Variants in GOLGA8A observed in about 807,000 individuals in gnomAD.
The protein encoded by GOLGA8A is golgin A8 family member A.
GOLGA8A carries 3 observed loss-of-function variants against 22.1 expected under a neutral mutation model. The observed-to-expected ratio is 0.14, with a 90% confidence interval of 0.06 to 0.35. The LOEUF is 0.35. GOLGA8A is among the 10% of genes least tolerant of loss of function. The pLI is 1.00. For missense variants in GOLGA8A, 16 were observed against 233.2 expected (o/e 0.07, Z 6.07); for synonymous variants, 7 against 91.7 (o/e 0.08, Z 5.28).
rs1891456706 is a variant in GOLGA8A, at chr15:34,380,951, A to G, written c.*460T>C. 3.1e-6 allele frequency: 1 copy of G among 320,202 alleles called. No individual in the cohort carries two copies. Among genetic ancestry groups the G allele is most frequent in the African/African-American group, 2.2e-5 (1 of 45,690 alleles). The allele number at this position is 320,202 out of a possible 1,614,324, so 19.8% of individuals were successfully genotyped here. ...TTGAGGGCAAACCGCATATTGAGCT[A>G]TAGAAGAGCTCACTGTGATTAAGAT... On this transcript the variant is annotated 3_prime_UTR_variant, in exon 25 of 25. Coordinates refer to ENST00000359187, the MANE Select transcript of GOLGA8A (RefSeq NM_181077.5).
At chr15:34,417,642 A>G (rs1486131308) in intron 2 of GOLGA8A, 3 of 145,800 alleles carry the variant, frequency 2.1e-5, no homozygotes, top group African/African-American at 7.5e-5. Flanking sequence ...TGCATACGGT[A>G]GTGTTTTATT....
Position 34,429,893 on chromosome 15 carries a change from C to T in GOLGA8A, c.-1123+5490G>A, listed in dbSNP as rs1390756147. ...GTTAGTGTCCCGCACCCCTTTGTTT[C>T]CACTATTAGATTAAGCCACCCTATG... On this transcript the variant is annotated intron_variant, in intron 2 of 24. Coordinates refer to ENST00000359187, the MANE Select transcript of GOLGA8A (RefSeq NM_181077.5). Among the ~76,000 whole-genome samples the T allele has an allele frequency of 1.4e-5, 2 of 147,912 alleles. 1 individual carries two copies. The highest frequency in any genetic ancestry group is 5.0e-5 in the African/African-American group (2 of 40,102).
At chr15:34,409,180 G>GT (rs1171105982) in intron 2 of GOLGA8A, among the ~76,000 whole-genome samples, 1 of 132,236 alleles carries the variant, frequency 7.6e-6, no homozygotes. Flanking sequence ...GCTGGGCGGT[G>GT]TGTGTATTCT....
At position 34,437,437 on chromosome 15, in the gene GOLGA8A, TCGCCGCG is replaced by T. The variant is rs1566916845; in HGVS notation, c.-1258_-1252del. On this transcript the variant is annotated 5_prime_UTR_variant, in exon 1 of 25. Transcript: ENST00000359187. ...GGGCTGCCCCGGTCCGCCGCCGTCCTCGCCGCGCCGCCGTCCTCGCCGCGCCGCCGTC... is the reference window on the plus strand; with the variant it reads ...GGGCTGCCCCGGTCCGCCGCCGTCCTCCGCCGTCCTCGCCGCGCCGCCGTC... The T allele has an allele frequency of 7.3e-6, 1 of 137,164 alleles. No homozygotes were observed. The highest frequency in any genetic ancestry group is 1.6e-5 in the Non-Finnish European group (1 of 62,388). 8.5% of individuals were successfully genotyped at this position (137,164 alleles called of 1,614,324 possible).
In GOLGA8A at chr15:34,380,994, C is replaced by A. The variant is rs899824698; in HGVS notation, c.*417G>T. 7 of 342,194 alleles carry A rather than the reference C, an allele frequency of 2.0e-5. No individual in the cohort carries two copies. Among genetic ancestry groups the A allele is most frequent in the Non-Finnish European group, 2.8e-5 (5 of 178,126 alleles). 21.2% of individuals were successfully genotyped at this position (342,194 alleles called of 1,614,324 possible). ...ATTAAGATGAGATCAAACATCATAG[C>A]AGAACATTAGCAAATTTTATCTGAA... On this transcript the variant is annotated 3_prime_UTR_variant, in exon 25 of 25. Coordinates refer to ENST00000359187, the MANE Select transcript of GOLGA8A (RefSeq NM_181077.5).
At chr15:34,404,022 CTCTG>C (rs1182123440) in intron 5 of GOLGA8A, among the ~76,000 whole-genome samples, 3 of 7,662 alleles carry the variant, frequency 3.9e-4, no homozygotes, top group African/African-American at 1.6e-3. Context: ...CGTTTCCCTA[CTCTG>C]TCTGAGCATT....
At chr15:34,436,327 A>G (rs535223891) in intron 1 of GOLGA8A, among the ~76,000 whole-genome samples, 1 of 149,810 alleles carries the variant, frequency 6.7e-6, no homozygotes, top group Admixed American at 6.7e-5. Flanking sequence ...GAGGCACAGA[A>G]GGCTGAAGAC....
At position 34,437,409 on chromosome 15, in the gene GOLGA8A, G is replaced by A. The variant is rs186666492; in HGVS notation, c.-1223C>T. ...GTTCCCCAGCTTACCTGGCCAGGGC[G>A]CGGGGCTGCCCCGGTCCGCCGCCGT... On this transcript the variant is annotated 5_prime_UTR_variant, in exon 1 of 25. Transcript: ENST00000359187. 12,755 of 139,434 alleles carry A rather than the reference G, an allele frequency of 0.091. 1,416 individuals carry two copies. Among genetic ancestry groups the A allele is most frequent in the South Asian group, 0.24 (1,130 of 4,766 alleles). The allele number at this position is 139,434 out of a possible 1,614,324, so 8.6% of individuals were successfully genotyped here.
intron 2 of GOLGA8A, chr15:34,416,270 ATGTTT>A (rs1892571891): frequency 6.6e-6 from 1 of 150,754 alleles, no homozygotes; most frequent in African/African-American, 2.4e-5. Context: ...TTCATATTTT[ATGTTT>A]TGTTTTATAG....
chr15:34,393,092 G>T (rs1363312548), intron 8 of GOLGA8A, among the ~76,000 whole-genome samples: 1 of 148,376 alleles, frequency 6.7e-6, no homozygotes, highest in Non-Finnish European at 1.5e-5. Context: ...AGGCTTGCAA[G>T]GAGATAGAAC....
chr15:34,422,784 C>T (rs1892837452), intron 2 of GOLGA8A, among the ~76,000 whole-genome samples: 1 of 109,510 alleles, frequency 9.1e-6, no homozygotes, highest in African/African-American at 2.7e-5. Context: ...CCTCCCATGT[C>T]CCAGGAGCCA....
intron 5 of GOLGA8A, among the ~76,000 whole-genome samples, 177 bp from the exon 6 acceptor site, chr15:34,400,936 TC>T: frequency 1.1e-5 from 1 of 91,014 alleles, no homozygotes; most frequent in South Asian, 3.9e-4. Context: ...TCTGTTTTTT[TC>T]ATCAAAATAC....
At chr15:34,433,995 A>T (rs1298124338) in intron 2 of GOLGA8A, among the ~76,000 whole-genome samples, 1 of 149,042 alleles carries the variant, frequency 6.7e-6, no homozygotes, top group Non-Finnish European at 1.5e-5. Flanking sequence ...AGCAGGTGCA[A>T]AGGCCTGGAG....
intron 2 of GOLGA8A, chr15:34,416,381 T>C (rs994154655): frequency 8.1e-5 from 12 of 147,374 alleles, no homozygotes; most frequent in African/African-American, 3.0e-4. Flanking sequence ...TTTTTCTTAG[T>C]TTATTTTGGT....
chr15:34,437,034 C>T lies in GOLGA8A; in HGVS notation c.-1212+364G>A, dbSNP rs1394546148. ...GCAGCGGAACGCACCAGCGGCCCGA[C>T]CAGCCCGGCGAGACGCGAGCGGGCG... On this transcript the variant is annotated intron_variant, in intron 1 of 24. Transcript: ENST00000359187. Among the ~76,000 whole-genome samples the T allele has an allele frequency of 1.3e-5, 2 of 148,954 alleles. 1 individual carries two copies. The highest frequency in any genetic ancestry group is 3.0e-5 in the Non-Finnish European group (2 of 66,898).
In GOLGA8A at chr15:34,435,147, C is replaced by T. The variant is rs566212110; in HGVS notation, c.-1123+236G>A. 4.1e-4 allele frequency among the ~76,000 whole-genome samples: 61 copies of T among 149,310 alleles called. 6 individuals are homozygous for T. The highest frequency in any genetic ancestry group is 7.4e-4 in the Non-Finnish European group (50 of 67,166). On this transcript the variant is annotated intron_variant, in intron 2 of 24. Transcript: ENST00000359187. ...CATGGCAGAGGACACGGAGGAGTGC[C>T]GGAGAGGAGCTGAGGCCTGGAGGGG... is the stretch of plus-strand genomic sequence containing the variant.
intron 2 of GOLGA8A, among the ~76,000 whole-genome samples, chr15:34,431,314 T>TATATATATAC (rs1893231060): frequency 3.1e-4 from 3 of 9,618 alleles, no homozygotes; most frequent in African/African-American, 1.1e-3. Flanking sequence ...TATATATACA[T>TATATATATAC]ATATATATAT....
chr15:34,429,848 G>A lies in GOLGA8A; in HGVS notation c.-1123+5535C>T, dbSNP rs1005104347. Among the ~76,000 whole-genome samples the A allele has an allele frequency of 1.3e-4, 19 of 148,244 alleles. 1 individual carries two copies. Among genetic ancestry groups the A allele is most frequent in the African/African-American group, 4.7e-4 (19 of 40,300 alleles). Reference sequence around the variant, plus strand: ...TCAAAGGACTGAGAGGTGAATGACGGGCAAGGTGAGACCTACCAGGTTAGT... The same window carrying A: ...TCAAAGGACTGAGAGGTGAATGACGAGCAAGGTGAGACCTACCAGGTTAGT... On this transcript the variant is annotated intron_variant, in intron 2 of 24. Coordinates refer to ENST00000359187, the MANE Select transcript of GOLGA8A (RefSeq NM_181077.5).
rs928611022 is a variant in GOLGA8A, at chr15:34,437,737, G to C, written c.-1551C>G. ...CCGCGCCGCTGCCGGGTCTCTCCCG[G>C]GGGCTGAGCTCCCGCAGAGCTCGCG... On this transcript the variant is annotated 5_prime_UTR_variant, in exon 1 of 25. Coordinates refer to ENST00000359187, the MANE Select transcript of GOLGA8A (RefSeq NM_181077.5). Among the ~76,000 whole-genome samples, 4 of 146,398 alleles carry C rather than the reference G, an allele frequency of 2.7e-5. 1 individual carries two copies. Among genetic ancestry groups the C allele is most frequent in the African/African-American group, 1.0e-4 (4 of 39,822 alleles).
Sources: gnomAD v4.1 joint callset for allele counts (sites outside exome capture counted in the v4.1 genomes callset) on GRCh38, gnomAD v4.1.1 for gene constraint, MANE v1.5 for transcripts, NCBI Gene and HGNC (gene_info 2026-07-23, HGNC 2026-07-21) for gene names.